RCBTB2: variants seen among roughly 807,000 people sequenced by gnomAD.
RCBTB2 encodes RCC1 and BTB domain containing protein 2.
In RCBTB2, 55 loss-of-function variants were observed where a neutral mutation model predicts 65.4. The ratio of observed to expected loss-of-function variants is 0.84; its 90% CI spans 0.68 to 1.05. RCBTB2 has a LOEUF of 1.05. Among genes scored for constraint, RCBTB2 ranks in the 50% least tolerant of loss-of-function variants. The probability of loss-of-function intolerance (pLI) is 0.00; values close to 1 mark genes in which losing one functional copy is unlikely to be tolerated. For missense variants in RCBTB2, 599 were observed against 680.1 expected (o/e 0.88, Z 1.33); for synonymous variants, 220 against 255.2 (o/e 0.86, Z 1.31).
intron 9 of RCBTB2, 118 bp from the exon 10 acceptor site, chr13:48,510,889 G>C (rs866507343): frequency 5.1e-5 from 51 of 1,002,660 alleles, no homozygotes; most frequent in Non-Finnish European, 6.5e-5. Context: ...ACCCGTAGGA[G>C]AGGCAAGCAT....
At chr13:48,499,111 A>AC (rs1950107608) in intron 13 of RCBTB2, among the ~76,000 whole-genome samples, 49 of 105,898 alleles carry the variant, frequency 4.6e-4, no homozygotes, top group South Asian at 6.0e-4. Flanking sequence ...CCCCCACCCC[A>AC]ACACACACAC....
At chr13:48,533,118 C>T, upstream of RCBTB2, 1 of 427,772 alleles carries the variant, frequency 2.3e-6, no homozygotes, top group Non-Finnish European at 4.7e-6. Context: ...GTTGGCGCCT[C>T]CCCCTGAAAC....
chr13:48,492,932 A>G (rs922804236), intron 14 of RCBTB2, among the ~76,000 whole-genome samples: 7 of 152,142 alleles, frequency 4.6e-5, no homozygotes, highest in African/African-American at 1.7e-4. Flanking sequence ...GATGTCTAAT[A>G]GACATCACAT....
At chr13:48,533,122 C>T, upstream of RCBTB2, 1 of 426,212 alleles carries the variant, frequency 2.3e-6, no homozygotes. Flanking sequence ...GCGCCTCCCC[C>T]TGAAACGGCC....
chr13:48,501,359 G>A lies in RCBTB2; in HGVS notation c.1244+383C>T, dbSNP rs114500570. On this transcript the variant is annotated intron_variant, in intron 12 of 14. Coordinates refer to ENST00000344532, the MANE Select transcript of RCBTB2 (RefSeq NM_001268.4). Reference sequence around the variant, plus strand: ...TCTTTCTTAAACCATCTAAAAGTACGCCACAAGTGATTATAAGAAGGTGAT... The same window carrying A: ...TCTTTCTTAAACCATCTAAAAGTACACCACAAGTGATTATAAGAAGGTGAT... Among the ~76,000 whole-genome samples the A allele has an allele frequency of 6.8e-3, 1,029 of 152,222 alleles. 21 individuals carry two copies. Among genetic ancestry groups the A allele is most frequent in the African/African-American group, 0.024 (986 of 41,504 alleles).
At chr13:48,526,395 A>C (rs923444418) in intron 1 of RCBTB2, among the ~76,000 whole-genome samples, 2 of 151,950 alleles carry the variant, frequency 1.3e-5, no homozygotes, top group Middle Eastern at 3.2e-3. Flanking sequence ...AATTAGCTAC[A>C]CGTGGTAGTA....
chr13:48,491,219 T>C (rs1247453316), intron 14 of RCBTB2, among the ~76,000 whole-genome samples: 1 of 152,204 alleles, frequency 6.6e-6, no homozygotes, highest in African/African-American at 2.4e-5. Flanking sequence ...ACATAAATTA[T>C]AGCAAATGCT....
At chr13:48,507,400 C>T (rs1483376091) in intron 10 of RCBTB2, among the ~76,000 whole-genome samples, 2 of 152,224 alleles carry the variant, frequency 1.3e-5, no homozygotes, top group Non-Finnish European at 2.9e-5. Flanking sequence ...CAGACAATGA[C>T]TATCAACTGA....
intron 12 of RCBTB2, among the ~76,000 whole-genome samples, chr13:48,500,375 T>C (rs9332052): frequency 0.01 from 1,592 of 152,198 alleles, 23 homozygotes; most frequent in African/African-American, 0.037. Flanking sequence ...CTGGCCAATA[T>C]GGTGAAACCC....
chr13:48,508,963 G>C (rs1293525111), intron 10 of RCBTB2, among the ~76,000 whole-genome samples: 1 of 152,156 alleles, frequency 6.6e-6, no homozygotes, highest in Non-Finnish European at 1.5e-5. Flanking sequence ...TCACTGGTGG[G>C]CAATGACGGC....
rs41290412 is a variant in RCBTB2, at chr13:48,502,818, G to T, written c.1023C>A (p.Ser341=). Residue 341 remains serine (S), a synonymous_variant, in exon 11 of 15, where the codon TCC becomes TCA. Coordinates refer to ENST00000344532, the MANE Select transcript of RCBTB2 (RefSeq NM_001268.4). ...VYMWGQCRGQ[S]VILPHLTHFS... Reference sequence around the variant, plus strand: ...AGTGGGTGAGGTGCGGGAGGATCACGGACTGACCCCGGCACTGGCCCCACA... The same window carrying T: ...AGTGGGTGAGGTGCGGGAGGATCACTGACTGACCCCGGCACTGGCCCCACA... The T allele has an allele frequency of 6.2e-7, 1 of 1,614,194 alleles. No individual in the cohort carries two copies. The highest frequency in any genetic ancestry group is 8.5e-7 in the Non-Finnish European group (1 of 1,180,026).
chr13:48,494,627 T>TA (rs1230399565), intron 14 of RCBTB2, among the ~76,000 whole-genome samples: 8 of 152,134 alleles, frequency 5.3e-5, no homozygotes, highest in African/African-American at 1.9e-4. Context: ...ATAGAGAATA[T>TA]AAAAAAGTAT....
upstream of RCBTB2, chr13:48,535,793 T>C: frequency 2.2e-6 from 1 of 456,426 alleles, no homozygotes; most frequent in South Asian, 1.5e-5. Flanking sequence ...TCCATCTCAC[T>C]GGCAGCTCCA....
At chr13:48,491,035 A>G (rs762357479) in intron 14 of RCBTB2, among the ~76,000 whole-genome samples, 13 of 152,178 alleles carry the variant, frequency 8.5e-5, no homozygotes, top group Admixed American at 2.0e-4. Flanking sequence ...GAGACCTCCA[A>G]TATGCCTCAA....
At chr13:48,533,794 C>G (rs1422734934), upstream of RCBTB2, among the ~76,000 whole-genome samples, 7 of 152,364 alleles carry the variant, frequency 4.6e-5, no homozygotes, top group South Asian at 2.1e-4. Flanking sequence ...TTCCACTGCA[C>G]TACACTTAAA....
At chr13:48,530,856 TG>T (rs1952075860) in intron 1 of RCBTB2, among the ~76,000 whole-genome samples, 1 of 152,218 alleles carries the variant, frequency 6.6e-6, no homozygotes, top group African/African-American at 2.4e-5. Context: ...CTATAAAAAA[TG>T]GTGACGTTTA....
chr13:48,507,460 T>G (rs535709611), intron 10 of RCBTB2, among the ~76,000 whole-genome samples: 1 of 152,334 alleles, frequency 6.6e-6, no homozygotes, highest in East Asian at 1.9e-4. Flanking sequence ...TTTTATTTTG[T>G]AGCCAATCTT....
upstream of RCBTB2, among the ~76,000 whole-genome samples, chr13:48,534,869 A>G (rs1219977077): frequency 6.6e-6 from 1 of 152,242 alleles, no homozygotes; most frequent in East Asian, 1.9e-4. Context: ...TTCAGGAGTT[A>G]AAGTTCCCAT....
chr13:48,514,265 GGTGGGA>G (rs1226381702), intron 6 of RCBTB2, among the ~76,000 whole-genome samples: 1 of 152,206 alleles, frequency 6.6e-6, no homozygotes, highest in Non-Finnish European at 1.5e-5. Context: ...GTAACTAACG[GGTGGGA>G]GTGTCTATGG....
Sources: gnomAD v4.1 joint callset for allele counts (sites outside exome capture counted in the v4.1 genomes callset) on GRCh38, gnomAD v4.1.1 for gene constraint, MANE v1.5 for transcripts, NCBI Gene and HGNC (gene_info 2026-07-23, HGNC 2026-07-21) for gene names.